Variants in UGT1A9 observed in about 807,000 individuals in gnomAD.
UGT1A9 encodes UDP glucuronosyltransferase family 1 member A9, also known as UDP-glucuronosyltransferase 1A9.
In UGT1A9, 35 loss-of-function variants were observed where a neutral mutation model predicts 45.0. That is an observed-to-expected ratio of 0.78 (90% CI 0.59 to 1.03). UGT1A9 has a LOEUF of 1.03. Among genes scored for constraint, UGT1A9 ranks in the 50% least tolerant of loss-of-function variants. UGT1A9 has a pLI of 0.00. For missense variants in UGT1A9, 687 were observed against 666.6 expected (o/e 1.03, Z -0.34); for synonymous variants, 278 against 250.6 (o/e 1.11, Z -1.03).
intron 1 of UGT1A9, among the ~76,000 whole-genome samples, chr2:233,757,535 A>AATATATATACATATAC (rs376887521): frequency 1.6e-3 from 143 of 88,240 alleles, no homozygotes; most frequent in Middle Eastern, 5.7e-3. Flanking sequence ...GCCTGTAAGG[A>AATATATATACATATAC]ATATATATAT....
At chr2:233,740,067 CCTCT>C (rs2125827081) in intron 1 of UGT1A9, among the ~76,000 whole-genome samples, 1 of 151,938 alleles carries the variant, frequency 6.6e-6, no homozygotes, top group South Asian at 2.1e-4. Flanking sequence ...ACAAGCTTTT[CCTCT>C]CTGTCTCTCG....
chr2:233,732,507 C>A (rs2125772065), intron 1 of UGT1A9, among the ~76,000 whole-genome samples: 1 of 152,338 alleles, frequency 6.6e-6, no homozygotes, highest in Admixed American at 6.5e-5. Context: ...GGAAGGGATC[C>A]TGTTCCAGCT....
intron 1 of UGT1A9, chr2:233,747,357 C>A (rs115834808): frequency 9.4e-6 from 15 of 1,602,522 alleles, no homozygotes; most frequent in East Asian, 2.2e-5. Context: ...GGAGGCCGTG[C>A]GGGAGCTCCA....
At chr2:233,719,412 C>G in intron 1 of UGT1A9, 1 of 1,613,976 alleles carries the variant, frequency 6.2e-7, no homozygotes, top group South Asian at 1.1e-5. Context: ...TCCTAAGTTA[C>G]TAACGACCAA....
chr2:233,713,283 C>G (rs764319623), intron 1 of UGT1A9: 6 of 1,614,104 alleles, frequency 3.7e-6, no homozygotes, highest in Non-Finnish European at 5.1e-6. Context: ...GGGTCACACT[C>G]AATCGTTCTT....
At chr2:233,748,959 T>A (rs1217481897) in intron 1 of UGT1A9, among the ~76,000 whole-genome samples, 1 of 151,598 alleles carries the variant, frequency 6.6e-6, no homozygotes, top group African/African-American at 2.4e-5. Flanking sequence ...CACTCCAAGT[T>A]TCTATAGTGG....
intron 1 of UGT1A9, chr2:233,747,278 C>A (rs925407656): frequency 4.4e-6 from 7 of 1,599,166 alleles, no homozygotes; most frequent in Middle Eastern, 3.5e-4. Context: ...CTTCTCAGTG[C>A]CCAGCCCTGG....
chr2:233,697,426 C>T (rs1020465940), intron 1 of UGT1A9, among the ~76,000 whole-genome samples: 1 of 150,954 alleles, frequency 6.6e-6, no homozygotes, highest in African/African-American at 2.4e-5. Flanking sequence ...TGCTGTGTTT[C>T]CTTTTTCATT....
At chr2:233,686,285 A>T (rs969857355) in intron 1 of UGT1A9, among the ~76,000 whole-genome samples, 3 of 152,146 alleles carry the variant, frequency 2.0e-5, no homozygotes, top group Non-Finnish European at 1.5e-5. Context: ...ACAAGAAACT[A>T]AAACAAGAAA....
chr2:233,772,482 T>C lies in UGT1A9; in HGVS notation c.1516T>C (p.Cys506Arg). Residue 506 changes from cysteine to arginine, a missense_variant, in exon 5 of 5, where the codon TGT becomes CGT. Physicochemically the swap from Cys to Arg is radical, Grantham distance 180. Coordinates refer to ENST00000354728, the MANE Select transcript of UGT1A9 (RefSeq NM_021027.3). ...VLTVAFITFK[C>R]CAYGYRKCLG... ...GACAGTGGCCTTCATCACCTTTAAA[T>C]GTTGTGCTTATGGCTACCGGAAATG... The C allele has an allele frequency of 6.2e-7, 1 of 1,614,124 alleles. No individual in the cohort carries two copies. Among genetic ancestry groups the C allele is most frequent in the Non-Finnish European group, 8.5e-7 (1 of 1,180,034 alleles).
intron 1 of UGT1A9, among the ~76,000 whole-genome samples, chr2:233,736,359 A>G (rs2078753406): frequency 6.6e-6 from 1 of 152,150 alleles, no homozygotes; most frequent in Admixed American, 6.5e-5. Flanking sequence ...TTTCAGCTCC[A>G]TCAGGTCATT....
chr2:233,724,170 C>A (rs1159618034), intron 1 of UGT1A9, among the ~76,000 whole-genome samples: 1 of 122,814 alleles, frequency 8.1e-6, no homozygotes, highest in African/African-American at 3.5e-5. Context: ...GCTGACCCCC[C>A]CATCTCCCTC....
At chr2:233,755,480 A>T (rs574050472) in intron 1 of UGT1A9, 1 of 211,322 alleles carries the variant, frequency 4.7e-6, no homozygotes, top group Non-Finnish European at 9.7e-6. Flanking sequence ...AGGCTCTGTG[A>T]GGCCCTGTGA....
At chr2:233,772,217 A>G (rs759524121) in intron 4 of UGT1A9, 45 bp from the exon 5 acceptor site, 1 of 1,612,380 alleles carries the variant, frequency 6.2e-7, no homozygotes, top group South Asian at 1.1e-5. Flanking sequence ...AGGATTGTTC[A>G]TACCACAGGT....
chr2:233,706,457 A>G, intron 1 of UGT1A9, among the ~76,000 whole-genome samples: 1 of 152,222 alleles, frequency 6.6e-6, no homozygotes. Context: ...ATGACCATTG[A>G]GGTTTCACCA....
chr2:233,768,384 GA>G lies in UGT1A9; in HGVS notation c.1243del (p.Met415Ter). 1.9e-6 allele frequency: 3 copies of G among 1,614,136 alleles called. No homozygotes were observed. The highest frequency in any genetic ancestry group is 2.5e-6 in the Non-Finnish European group (3 of 1,180,028). ...AGCTGGAGTGACCCTGAATGTTCTG[GA>G]AATGACTTCTGAAGATTTAGAAAAT... ...KGAGVTLNVLEMTSEDLENAL... is the reference protein window; with the variant it reads ...KGAGVTLNVLXMTSEDLENAL... On this transcript the variant is annotated frameshift_variant, in exon 4 of 5. Transcript: ENST00000354728. LOFTEE classifies it high-confidence loss of function.
intron 1 of UGT1A9, among the ~76,000 whole-genome samples, chr2:233,679,063 A>G (rs10207520): frequency 0.18 from 27,742 of 151,884 alleles, 2,760 homozygotes; most frequent in Non-Finnish European, 0.23. Flanking sequence ...ATTCTCTTCC[A>G]TAGTATTGAC....
At chr2:233,690,937 A>G in intron 1 of UGT1A9, 1 of 1,019,074 alleles carries the variant, frequency 9.8e-7, no homozygotes, top group Non-Finnish European at 1.2e-6. Flanking sequence ...TCCTTCCTCC[A>G]ACTCATGTTC....
intron 4 of UGT1A9, chr2:233,770,359 G>A (rs1272591854): frequency 6.6e-6 from 1 of 152,118 alleles, no homozygotes; most frequent in Non-Finnish European, 1.5e-5. Context: ...TTGAATGAAT[G>A]AATGAAAGTT....
Sources: gnomAD v4.1 joint callset for allele counts (sites outside exome capture counted in the v4.1 genomes callset) on GRCh38, gnomAD v4.1.1 for gene constraint, MANE v1.5 for transcripts, NCBI Gene and HGNC (gene_info 2026-07-23, HGNC 2026-07-21) for gene names.